The following CEP104 variants were observed in gnomAD, a reference collection of about 807,000 sequenced individuals.
CEP104 encodes centrosomal protein 104, also known as centrosomal protein of 104 kDa.
A neutral mutation model predicts 113.3 loss-of-function variants in CEP104; 84 were observed. The observed-to-expected ratio is 0.74, with a 90% CI of 0.62 to 0.89. The LOEUF (loss-of-function observed/expected upper bound fraction) is 0.89, where lower values mean the gene tolerates loss of function less well. CEP104 is among the 40% of genes least tolerant of loss of function. The pLI is 0.00. For synonymous variants in CEP104, 378 were observed against 421.7 expected (o/e 0.90, Z 1.27); for missense variants, 1,053 against 1,156.6 (o/e 0.91, Z 1.30).
At chr1:3,836,986 T>C (rs1044750602) in intron 9 of CEP104, 46 of 519,112 alleles carry the variant, frequency 8.9e-5, no homozygotes, top group Middle Eastern at 5.1e-4. Context: ...TCAACTGACA[T>C]GGAGACTACT....
Position 3,814,918 on chromosome 1 carries a change from C to T in CEP104, c.*484G>A, listed in dbSNP as rs895046524. 1.3e-5 allele frequency: 2 copies of T among 155,088 alleles called. No homozygotes were observed. Among genetic ancestry groups the T allele is most frequent in the African/African-American group, 4.8e-5 (2 of 41,490 alleles). The allele number at this position is 155,088 out of a possible 1,614,324, so 9.6% of individuals were successfully genotyped here. On this transcript the variant is annotated 3_prime_UTR_variant, in exon 22 of 22. Coordinates refer to ENST00000378230, the MANE Select transcript of CEP104 (RefSeq NM_014704.4). ...CACGGCTGGAGGCCCGTGCGCACCG[C>T]CACTCTCCTGGAACCGCTGCTGGCC...
At chr1:3,815,769 A>G (rs989362525) in intron 21 of CEP104, among the ~76,000 whole-genome samples, 3 of 151,348 alleles carry the variant, frequency 2.0e-5, no homozygotes, top group Admixed American at 2.0e-4. Flanking sequence ...GCTCACCACA[A>G]CCTCCACCTC....
chr1:3,818,973 C>T (rs1643921328), intron 20 of CEP104, among the ~76,000 whole-genome samples: 1 of 152,190 alleles, frequency 6.6e-6, no homozygotes. Flanking sequence ...CTGAGAGATT[C>T]ATAATTGGGC....
chr1:3,835,165 T>G (rs919013591), intron 10 of CEP104, 73 bp from the exon 11 acceptor site: 1 of 933,688 alleles, frequency 1.1e-6, no homozygotes, highest in African/African-American at 3.5e-5. Context: ...GAAGGCTTTG[T>G]TTTTTTTTTA....
At chr1:3,827,340 G>A (rs1424086079) in intron 15 of CEP104, among the ~76,000 whole-genome samples, 2 of 152,144 alleles carry the variant, frequency 1.3e-5, no homozygotes, top group African/African-American at 4.8e-5. Flanking sequence ...CCAGCCTCCT[G>A]AGTAGCTGGG....
chr1:3,824,593 C>T (rs1272423809), intron 18 of CEP104, among the ~76,000 whole-genome samples: 2 of 152,174 alleles, frequency 1.3e-5, no homozygotes. Flanking sequence ...ATGCGACTGA[C>T]CAACCACTCA....
intron 18 of CEP104, among the ~76,000 whole-genome samples, chr1:3,824,767 C>G (rs1644050696): frequency 6.6e-6 from 1 of 152,132 alleles, no homozygotes; most frequent in Non-Finnish European, 1.5e-5. Flanking sequence ...GGGAACTCAC[C>G]AAGACAGCAG....
chr1:3,847,440 G>C (rs1644527810), intron 4 of CEP104, 35 bp downstream of exon 4: 3 of 1,536,904 alleles, frequency 2.0e-6, no homozygotes, highest in Non-Finnish European at 2.6e-6. Context: ...AAGAAGGTAG[G>C]GGCAGAATCA....
rs748584096 is a variant in CEP104 at position 3,829,909 on chromosome 1, G to A, written c.1925C>T (p.Ala642Val). ...IILDMYRQHQ[A>V]SILEYLPPDD... The stretch of plus-strand genomic sequence containing the variant: ...TGGAGGAAGGTACTCCAGGATGGAA[G>A]CCTGGTGCTGTCTGTACATGTCCAA... The change falls in exon 14 of 22, where the codon GCT (alanine) becomes GTT (valine). Residue 642 changes from alanine to valine, a missense_variant. Physicochemically the swap from Ala to Val is moderately conservative, Grantham distance 64. Transcript: ENST00000378230. The A allele has an allele frequency of 6.2e-7, 1 of 1,614,078 alleles. No homozygotes were observed. The highest frequency in any genetic ancestry group is 1.1e-5 in the South Asian group (1 of 91,076).
rs199915267 is a variant in CEP104, at chr1:3,834,996, C to T, written c.1414G>A (p.Glu472Lys). The T allele has an allele frequency of 5.6e-6, 9 of 1,613,740 alleles. No homozygotes were observed. In the East Asian group the frequency reaches 1.8e-4, roughly 32 times the overall value. ...GCTCTCAGTGTGTTCTTTAAATCTT[C>T]TTTTGGGGTTCCAACAGGCATTTCC... ...LMEMPVGTPK[E>K]DLKNTLRASV... is the part of the protein sequence containing the mutation. The change falls in exon 11 of 22, where the codon GAA (glutamate) becomes AAA (lysine). Residue 472 changes from glutamate (E) to lysine (K), a missense_variant. Glu to Lys is a moderately conservative substitution (Grantham distance 56, BLOSUM62 1). Coordinates refer to ENST00000378230, the MANE Select transcript of CEP104 (RefSeq NM_014704.4).
At chr1:3,818,855 T>C (rs962528420) in intron 20 of CEP104, among the ~76,000 whole-genome samples, 1 of 152,260 alleles carries the variant, frequency 6.6e-6, no homozygotes, top group Non-Finnish European at 1.5e-5. Flanking sequence ...TTCTTCATTT[T>C]AATCTAATTG....
intron 6 of CEP104, among the ~76,000 whole-genome samples, chr1:3,840,916 T>C (rs1386361298): frequency 3.3e-5 from 5 of 152,246 alleles, no homozygotes; most frequent in East Asian, 1.9e-4. Context: ...GGTTAAGTTG[T>C]ATGGTGTCAA....
rs577338561 is a variant in CEP104 at position 3,833,621 on chromosome 1, A to C, written c.1659+241T>G. 3.0e-3 allele frequency: 1,125 copies of C among 372,526 alleles called. 10 individuals are homozygous for C. Among genetic ancestry groups the C allele is most frequent in the African/African-American group, 0.021 (999 of 48,720 alleles). 23.1% of individuals were successfully genotyped at this position (372,526 alleles called of 1,614,324 possible). A position where few individuals can be genotyped will look rare whatever the true frequency, so the allele number is the denominator to read the frequency against. ...TTTCTGTGTGTTTTTATTTATTTAAAAAATTAATGGCATATGTTGGATAAA... is the reference window on the plus strand; with the variant it reads ...TTTCTGTGTGTTTTTATTTATTTAACAAATTAATGGCATATGTTGGATAAA... On this transcript the variant is annotated intron_variant, in intron 12 of 21. Coordinates refer to ENST00000378230, the MANE Select transcript of CEP104 (RefSeq NM_014704.4).
In CEP104 at chr1:3,823,157, C is replaced by T; in HGVS notation, c.2571+17G>A. ...GTGTCACCTACTTCACTGGTCCCTT[C>T]TCCCCAGGCCCCTCACCTCTTCTCC... On this transcript the variant is annotated intron_variant, in intron 20 of 21. Coordinates refer to ENST00000378230, the MANE Select transcript of CEP104 (RefSeq NM_014704.4). The surrounding 1 kb of genome is among the most constrained non-coding windows in gnomAD (Gnocchi z 4.1). 6.2e-7 allele frequency: 1 copy of T among 1,613,518 alleles called. No individual in the cohort carries two copies. The highest frequency in any genetic ancestry group is 8.5e-7 in the Non-Finnish European group (1 of 1,179,646).
At chr1:3,854,940 C>T (rs184977672) in intron 1 of CEP104, among the ~76,000 whole-genome samples, 1,753 of 145,148 alleles carry the variant, frequency 0.012, 13 homozygotes, top group Middle Eastern at 0.045. Flanking sequence ...GGCGTGATCG[C>T]GGCTCACTGC....
In CEP104 at chr1:3,823,007, AC is replaced by A. The variant is rs1407864806; in HGVS notation, c.2571+166del. ...GGAAATCATGTGAACACGTAGGTAA[AC>A]GGAACGACTGCTCAGACAGGGCTCA... On this transcript the variant is annotated intron_variant, in intron 20 of 21. Transcript: ENST00000378230. The surrounding 1 kb of genome is among the most constrained non-coding windows in gnomAD (Gnocchi z 4.1). The A allele has an allele frequency of 1.1e-5, 7 of 660,222 alleles. No homozygotes were observed. Among genetic ancestry groups the A allele is most frequent in the African/African-American group, 1.8e-5 (1 of 55,908 alleles). 40.9% of individuals were successfully genotyped at this position (660,222 alleles called of 1,614,324 possible).
At position 3,836,492 on chromosome 1, in the gene CEP104, T is replaced by TTTTTCA; in HGVS notation, c.1317+2_1317+3insTGAAAA. 1.3e-6 allele frequency: 2 copies of TTTTTCA among 1,543,054 alleles called. No individual in the cohort carries two copies. Among genetic ancestry groups the TTTTTCA allele is most frequent in the Admixed American group, 2.0e-5 (1 of 49,216 alleles). On this transcript the variant is annotated splice_region_variant and intron_variant, in intron 10 of 21. Coordinates refer to ENST00000378230, the MANE Select transcript of CEP104 (RefSeq NM_014704.4). Reference sequence around the variant, plus strand: ...CGTTTTTTTTTTTTTTTTTTTTTTTTACCAAGGTTTCTCCCAACACATCGA... The same window carrying TTTTTCA: ...CGTTTTTTTTTTTTTTTTTTTTTTTTTTTTCAACCAAGGTTTCTCCCAACACATCGA...
chr1:3,857,060 T>G lies in CEP104; in HGVS notation c.-186A>C, dbSNP rs1644750624. Reference sequence around the variant, plus strand: ...GACTTCCTCGGCAGCCGCCGCTTCCTCAGACGGAACTCGGGGGGCGCCCCT... The same window carrying G: ...GACTTCCTCGGCAGCCGCCGCTTCCGCAGACGGAACTCGGGGGGCGCCCCT... On this transcript the variant is annotated 5_prime_UTR_variant, in exon 1 of 22. Transcript: ENST00000378230. 6.6e-6 allele frequency: 1 copy of G among 152,112 alleles called. No individual in the cohort carries two copies. The highest frequency in any genetic ancestry group is 6.5e-5 in the Admixed American group (1 of 15,288). The allele number at this position is 152,112 out of a possible 1,614,324, so 9.4% of individuals were successfully genotyped here.
At position 3,815,128 on chromosome 1, in the gene CEP104, C is replaced by G; in HGVS notation, c.*274G>C. The G allele has an allele frequency of 2.2e-6, 1 of 446,376 alleles. No homozygotes were observed. The highest frequency in any genetic ancestry group is 2.0e-5 in the African/African-American group (1 of 48,822). 27.7% of individuals were successfully genotyped at this position (446,376 alleles called of 1,614,324 possible). On this transcript the variant is annotated 3_prime_UTR_variant, in exon 22 of 22. Coordinates refer to ENST00000378230, the MANE Select transcript of CEP104 (RefSeq NM_014704.4). ...TGGCTCTCTCCAAACAGGACGCTTCCTTCTCTGATTCTAAGGAAGGCCTGA... is the reference window on the plus strand; with the variant it reads ...TGGCTCTCTCCAAACAGGACGCTTCGTTCTCTGATTCTAAGGAAGGCCTGA...
Sources: allele counts gnomAD v4.1 joint callset (sites outside exome capture counted in the v4.1 genomes callset), GRCh38; gene constraint gnomAD v4.1.1; non-coding constraint Gnocchi (gnomAD v3.1); transcripts MANE v1.5; gene names NCBI Gene and HGNC (gene_info 2026-07-23, HGNC 2026-07-21).